The following CROCC variants were observed in gnomAD, a reference collection of about 807,000 sequenced individuals.
CROCC encodes the protein rootletin.
Under a neutral mutation model 245.2 loss-of-function variants are expected in CROCC, and 180 were observed. The observed-to-expected ratio is 0.73, with a 90% CI of 0.65 to 0.83. The LOEUF is 0.83. Among genes scored for constraint, CROCC ranks in the 40% least tolerant of loss-of-function variants. The probability of loss-of-function intolerance (pLI) is 0.00; values close to 1 mark genes in which losing one functional copy is unlikely to be tolerated. For synonymous variants in CROCC, 1,205 were observed against 1,241.6 expected, an observed-to-expected ratio of 0.97 and a Z score of 0.62; for missense variants, 2,688 against 2,779.4, an observed-to-expected ratio of 0.97 and a Z score of 0.74.
chr1:16,939,231 TC>T (rs1192864411), intron 12 of CROCC, 89 bp downstream of exon 12: 2 of 853,900 alleles, frequency 2.3e-6, no homozygotes, highest in Non-Finnish European at 3.2e-6. Flanking sequence ...CGGGGGCAGG[TC>T]CGGGGCCAGG....
chr1:16,965,785 T>C lies in CROCC; in HGVS notation c.4468T>C (p.Ser1490Pro). 6.2e-7 allele frequency: 1 copy of C among 1,613,618 alleles called. No homozygotes were observed. The highest frequency in any genetic ancestry group is 8.5e-7 in the Non-Finnish European group (1 of 1,179,980). Residue 1490 changes from serine to proline, a missense_variant, in exon 28 of 37, where the codon TCT becomes CCT. Physicochemically the swap from Ser to Pro is moderately conservative, Grantham distance 74 (BLOSUM62 -1). Transcript: ENST00000375541. ...ATGCAGCCCTGGGTCCCAGCCACCATCTCCAGGACCTGCCACCTCCCCAGC... is the reference window on the plus strand; with the variant it reads ...ATGCAGCCCTGGGTCCCAGCCACCACCTCCAGGACCTGCCACCTCCCCAGC... ...LECSPGSQPP[S>P]PGPATSPASP...
rs536344053 is a variant in CROCC, at chr1:16,930,613, G to A, written c.849+19G>A. The A allele has an allele frequency of 1.5e-3, 2,444 of 1,597,698 alleles. No individual in the cohort carries two copies. The highest frequency in any genetic ancestry group is 2.4e-3 in the Admixed American group (136 of 57,718). On this transcript the variant is annotated intron_variant, in intron 7 of 36. Transcript: ENST00000375541. ...GGAGGAGGTGGGCATGGGGGTGCAG[G>A]GAGGCCAGCCTGACCCAAGAGGAAG... is the stretch of plus-strand genomic sequence containing the variant.
In CROCC at chr1:16,939,068, TC is replaced by T. The variant is rs2075859524; in HGVS notation, c.1538del (p.Pro513ArgfsTer11). 2.5e-6 allele frequency: 4 copies of T among 1,585,572 alleles called. No individual in the cohort carries two copies. Among genetic ancestry groups the T allele is most frequent in the Admixed American group, 3.6e-5 (2 of 55,652 alleles). On this transcript the variant is annotated frameshift_variant, in exon 12 of 37. Transcript: ENST00000375541. LOFTEE classifies it high-confidence loss of function. The stretch of plus-strand genomic sequence containing the variant: ...AGGCCGTTCACCCCGCCGAGGCCCC[TC>T]CCCGGCCTGCTCAGACTCCTCCACG... The part of the protein sequence containing the change: ...GRGRSPRRGP[S>X]PACSDSSTLA...
At chr1:16,914,578 T>C (rs2075283927) in intron 1 of CROCC, among the ~76,000 whole-genome samples, 1 of 152,276 alleles carries the variant, frequency 6.6e-6, no homozygotes, top group Admixed American at 6.5e-5. Flanking sequence ...GTCGGAAGCA[T>C]CTCCATTGTG....
Position 16,970,676 on chromosome 1 carries a change from G to T in CROCC, c.5693G>T (p.Arg1898Leu). ...EKLRSHEDTV[R>L]LSAEKGRLDR... is the part of the protein sequence containing the mutation. The stretch of plus-strand genomic sequence containing the variant: ...CTTCGTAGCCATGAGGACACAGTGC[G>T]GCTGAGCGCAGAGAAGGGCCGCCTG... The change falls in exon 35 of 37, where the codon CGG becomes CTG. Residue 1898 changes from arginine to leucine, a missense_variant. Around this residue, in one of 9 missense-constraint regions of CROCC, gnomAD observed 1,218 missense variants for 1,286.3 expected, o/e 0.95. Transcript: ENST00000375541. 6.3e-7 allele frequency: 1 copy of T among 1,597,398 alleles called. No homozygotes were observed.
At chr1:16,956,918 A>G (rs1214049590) in intron 25 of CROCC, among the ~76,000 whole-genome samples, 2 of 152,164 alleles carry the variant, frequency 1.3e-5, no homozygotes, top group Admixed American at 6.5e-5. Flanking sequence ...TTCTCACTCT[A>G]GAAGATGCAA....
chr1:16,950,822 G>A (rs1012021428), intron 19 of CROCC, 131 bp from the exon 20 acceptor site: 2 of 701,554 alleles, frequency 2.9e-6, no homozygotes, highest in South Asian at 5.1e-5. Context: ...ACTTCAAGAG[G>A]ACCCAAACTA....
At chr1:16,922,629 A>G in intron 1 of CROCC, 34 bp from the exon 2 acceptor site, 1 of 1,568,824 alleles carries the variant, frequency 6.4e-7, no homozygotes, top group Non-Finnish European at 8.6e-7. Context: ...CCCGGGTCCC[A>G]TGTCCCCTGA....
At chr1:16,931,513 TGAGG>T in intron 8 of CROCC, 116 bp downstream of exon 8, 4 of 1,006,696 alleles carry the variant, frequency 4.0e-6, no homozygotes, top group Non-Finnish European at 4.6e-6. Flanking sequence ...CAAGGGCCGG[TGAGG>T]ACACAGAGGC....
chr1:16,950,933 C>T lies in CROCC; in HGVS notation c.2837-20C>T. On this transcript the variant is annotated intron_variant, in intron 19 of 36. Coordinates refer to ENST00000375541, the MANE Select transcript of CROCC (RefSeq NM_014675.5). ...AAGTTTCAACCCAACCCTGCCCTTT[C>T]CCCCATTCCTCTCGTGCAGGGGAGT... The T allele has an allele frequency of 6.6e-6, 10 of 1,506,174 alleles. No individual in the cohort carries two copies. The highest frequency in any genetic ancestry group is 2.6e-5 in the South Asian group (2 of 76,110). The allele number at this position is 1,506,174 out of a possible 1,614,324, so 93.3% of individuals were successfully genotyped here.
intron 33 of CROCC, 27 bp from the exon 34 acceptor site, chr1:16,970,226 T>C (rs1055145514): frequency 9.2e-6 from 14 of 1,523,864 alleles, no homozygotes; most frequent in Non-Finnish European, 1.2e-5. Context: ...CCAGAGGGAT[T>C]CGGGGCCTGC....
chr1:16,919,601 G>A (rs1188348386), upstream of CROCC, among the ~76,000 whole-genome samples: 2 of 152,296 alleles, frequency 1.3e-5, no homozygotes, highest in African/African-American at 2.4e-5. Context: ...CGAGCTCCTC[G>A]AGTGAGCAAT....
rs142373017 is a variant in CROCC, at chr1:16,931,325, G to T, written c.884G>T (p.Arg295Leu). 3,676 of 1,612,190 alleles carry T rather than the reference G, an allele frequency of 2.3e-3. 3 individuals carry two copies. Among genetic ancestry groups the T allele is most frequent in the Non-Finnish European group, 2.8e-3 (3,273 of 1,178,594 alleles). The change falls in exon 8 of 37, where the codon CGC (arginine) becomes CTC (leucine). Residue 295 changes from arginine (R) to leucine (L), a missense_variant. Around this residue, in one of 9 missense-constraint regions of CROCC, gnomAD observed 972 missense variants for 895.3 expected, o/e 1.09. Coordinates refer to ENST00000375541, the MANE Select transcript of CROCC (RefSeq NM_014675.5). ...FNAYFSNEHS[R>L]LLLLWRQVVG... ...GCCTACTTCAGCAACGAGCACAGTC[G>T]CCTGCTCCTCCTCTGGAGGCAGGTG...
chr1:16,969,754 C>G, intron 32 of CROCC, 31 bp from the exon 33 acceptor site: 1 of 1,596,014 alleles, frequency 6.3e-7, no homozygotes, highest in Non-Finnish European at 8.5e-7. Context: ...GCTCCCAGGC[C>G]AGCCAGGCAC....
rs749529138 is a variant in CROCC, at chr1:16,938,964, C to T, written c.1430C>T (p.Ala477Val). 43 of 1,605,064 alleles carry T rather than the reference C, an allele frequency of 2.7e-5. No homozygotes were observed. Among genetic ancestry groups the T allele is most frequent in the Middle Eastern group, 3.3e-4 (2 of 5,992 alleles). The change falls in exon 12 of 37, where the codon GCG (alanine) becomes GTG (valine). Residue 477 changes from alanine (A) to valine (V), a missense_variant. Ala to Val is a moderately conservative substitution (Grantham distance 64). Transcript: ENST00000375541. ...GVQLSGSERT[A>V]DASNGSLRGL... ...CAGCTGAGCGGCTCTGAGCGCACCG[C>T]GGATGCTTCCAACGGCAGCCTGCGG...
rs780644769 is a variant in CROCC, at chr1:16,930,175, A to C, written c.589A>C (p.Arg197=). ...GGAGCTGGAGCAGCAGCTGCTGGAG[A>C]GATCCGGAGAGCTGGAGCAGCAGCG... The part of the protein sequence containing the change: ...CSELEQQLLE[R]SGELEQQRLR... The change falls in exon 5 of 37, where the codon AGA becomes CGA. Residue 197 remains arginine (R), a synonymous_variant. Coordinates refer to ENST00000375541, the MANE Select transcript of CROCC (RefSeq NM_014675.5). The C allele has an allele frequency of 1.9e-5, 30 of 1,593,092 alleles. No individual in the cohort carries two copies. The South Asian group carries it at 3.2e-4, about 17-fold the overall frequency.
rs1570602420 is a variant in CROCC at position 16,930,349 on chromosome 1, T to G, written c.683+2T>G. 1 of 1,610,168 alleles carries G rather than the reference T, an allele frequency of 6.2e-7. No homozygotes were observed. The highest frequency in any genetic ancestry group is 1.7e-5 in the Admixed American group (1 of 59,754). On this transcript the variant is annotated splice_donor_variant, in intron 6 of 36. Transcript: ENST00000375541. LOFTEE classifies it high-confidence loss of function. ...CCGGCTGGAGGAGGAGCAGCAGAGG[T>G]GAGGGCGCAGCAGGGAGGGCCAGGG...
chr1:16,939,214 G>T, intron 12 of CROCC, 72 bp downstream of exon 12: 3 of 1,265,894 alleles, frequency 2.4e-6, no homozygotes, highest in Non-Finnish European at 3.1e-6. Context: ...CCGGGTGGGG[G>T]CGGGGGCGGG....
At position 16,954,992 on chromosome 1, in the gene CROCC, C is replaced by A; in HGVS notation, c.3465+115C>A. On this transcript the variant is annotated intron_variant, in intron 23 of 36. Transcript: ENST00000375541. This position sits in a 1 kb window ranked among gnomAD's most constrained non-coding sequence, Gnocchi z 4.4. Reference sequence around the variant, plus strand: ...AAGATTCCTCCCTGCATTTGAGGACCAATGAATAGCAACTTAGAAAGGAGG... The same window carrying A: ...AAGATTCCTCCCTGCATTTGAGGACAAATGAATAGCAACTTAGAAAGGAGG... 1 of 1,256,536 alleles carries A rather than the reference C, an allele frequency of 8.0e-7. No individual in the cohort carries two copies. The highest frequency in any genetic ancestry group is 1.1e-6 in the Non-Finnish European group (1 of 934,394). The allele number at this position is 1,256,536 out of a possible 1,614,324, so 77.8% of individuals were successfully genotyped here.
Sources: allele counts gnomAD v4.1 joint callset (sites outside exome capture counted in the v4.1 genomes callset), GRCh38; gene constraint gnomAD v4.1.1; regional missense constraint gnomAD v4.1.1; non-coding constraint Gnocchi (gnomAD v3.1); transcripts MANE v1.5; gene names NCBI Gene and HGNC (gene_info 2026-07-23, HGNC 2026-07-21).